The following TRA2B variants were observed in gnomAD, a reference collection of about 807,000 sequenced individuals.
The protein encoded by TRA2B is transformer 2 beta homolog.
TRA2B carries 14 observed loss-of-function variants against 41.7 expected under a neutral mutation model. The ratio of observed to expected loss-of-function variants is 0.34; its 90% CI spans 0.22 to 0.53. The LOEUF (loss-of-function observed/expected upper bound fraction) is 0.53, where lower values mean the gene tolerates loss of function less well. Ranked by LOEUF, TRA2B falls within the 20% of genes least tolerant of loss-of-function variation. The pLI, the probability that TRA2B is intolerant of heterozygous loss-of-function variation, is 0.95. For missense variants in TRA2B, 167 were observed against 396.8 expected (o/e 0.42, Z 4.92); for synonymous variants, 130 against 128.8 (o/e 1.01, Z -0.06).
chr3:185,920,558 T>C (rs1336538245), intron 6 of TRA2B, among the ~76,000 whole-genome samples: 6 of 152,132 alleles, frequency 3.9e-5, no homozygotes, highest in Non-Finnish European at 5.9e-5. Flanking sequence ...TATGTATTCA[T>C]TTATTTATTT....
At chr3:185,931,004 A>G (rs1222887677) in intron 1 of TRA2B, among the ~76,000 whole-genome samples, 1 of 152,196 alleles carries the variant, frequency 6.6e-6, no homozygotes, top group Non-Finnish European at 1.5e-5. Flanking sequence ...GTATTTAGCA[A>G]ATATGCATCT....
In TRA2B at chr3:185,925,588, C is replaced by G; in HGVS notation, c.209G>C (p.Arg70Pro). 1 of 1,614,052 alleles carries G rather than the reference C, an allele frequency of 6.2e-7. No homozygotes were observed. Among genetic ancestry groups the G allele is most frequent in the South Asian group, 1.1e-5 (1 of 91,054 alleles). ...ATGGGAGCGGGAGCGAGACCGTGAC[C>G]GGGTATAATGCCTTCGGGAGCTTCT... The part of the protein sequence containing the change: ...SRRSSRRHYT[R>P]SRSRSRSHRR... The change falls in exon 3 of 9, where the codon CGG (arginine) becomes CCG (proline). Residue 70 changes from arginine (R) to proline (P), a missense_variant. Around this residue, in one of 5 missense-constraint regions of TRA2B, gnomAD observed 94 missense variants for 133.4 expected, o/e 0.70. Coordinates refer to ENST00000453386, the MANE Select transcript of TRA2B (RefSeq NM_004593.3).
At chr3:185,927,760 C>G (rs992457905) in intron 1 of TRA2B, 6 of 152,150 alleles carry the variant, frequency 3.9e-5, no homozygotes, top group African/African-American at 1.4e-4. Context: ...ACATAATCAA[C>G]AAAAGGGTAT....
rs1315600217 is a variant in TRA2B at position 185,936,383 on chromosome 3, C to T, written c.36+1442G>A. The T allele has an allele frequency of 3.0e-6, 3 of 985,306 alleles. No homozygotes were observed. The African/African-American group carries it at 5.2e-5, about 17-fold the overall frequency. The allele number at this position is 985,306 out of a possible 1,614,324, so 61.0% of individuals were successfully genotyped here. ...AAAAAAAAATCTAAAACACTCGTGA[C>T]ATTGGAGTCAATCGGCTTCGGGAAA... On this transcript the variant is annotated intron_variant, in intron 1 of 8. Transcript: ENST00000453386.
intron 1 of TRA2B, chr3:185,936,988 CAAAGG>C: frequency 1.0e-6 from 1 of 985,396 alleles, no homozygotes; most frequent in Non-Finnish European, 1.2e-6. Context: ...CGCCTCAAAA[CAAAGG>C]AAATAACGGC....
intron 6 of TRA2B, among the ~76,000 whole-genome samples, chr3:185,920,409 G>A (rs887529785): frequency 2.1e-4 from 32 of 152,288 alleles, no homozygotes; most frequent in African/African-American, 7.2e-4. Flanking sequence ...TCAGGTGGGA[G>A]CGTACTTGGC....
Position 185,925,582 on chromosome 3 carries a change from C to T in TRA2B, c.215G>A (p.Arg72Gln), listed in dbSNP as rs893156116. ...TCGTCTATGGGAGCGGGAGCGAGACCGTGACCGGGTATAATGCCTTCGGGA... is the reference window on the plus strand; with the variant it reads ...TCGTCTATGGGAGCGGGAGCGAGACTGTGACCGGGTATAATGCCTTCGGGA... ...RSSRRHYTRSRSRSRSHRRSR... is the reference protein window; with the variant it reads ...RSSRRHYTRSQSRSRSHRRSR... The change falls in exon 3 of 9, where the codon CGG becomes CAG. Residue 72 changes from arginine (R) to glutamine (Q), a missense_variant. By Grantham distance (43) the Arg-to-Gln change is conservative. Coordinates refer to ENST00000453386, the MANE Select transcript of TRA2B (RefSeq NM_004593.3). The T allele has an allele frequency of 1.9e-6, 3 of 1,613,980 alleles. No individual in the cohort carries two copies. The highest frequency in any genetic ancestry group is 1.7e-5 in the Admixed American group (1 of 60,004).
chr3:185,919,460 G>A lies in TRA2B; in HGVS notation c.759C>T (p.Ala253=), dbSNP rs896664194. 2 of 1,613,232 alleles carry A rather than the reference G, an allele frequency of 1.2e-6. No individual in the cohort carries two copies. Among genetic ancestry groups the A allele is most frequent in the African/African-American group, 2.7e-5 (2 of 74,854 alleles). The part of the protein sequence containing the change: ...GGGGGGGWRA[A]QDRDQIYRRR... ...ACCTATAAATCTGATCCCTGTCTTGGGCAGCTCTCCATCCTCCTCCTCCTC... is the reference window on the plus strand; with the variant it reads ...ACCTATAAATCTGATCCCTGTCTTGAGCAGCTCTCCATCCTCCTCCTCCTC... Residue 253 remains alanine, a synonymous_variant, in exon 7 of 9, where the codon GCC becomes GCT. Coordinates refer to ENST00000453386, the MANE Select transcript of TRA2B (RefSeq NM_004593.3).
At chr3:185,936,497 A>G in intron 1 of TRA2B, 1 of 985,438 alleles carries the variant, frequency 1.0e-6, no homozygotes, top group Non-Finnish European at 1.2e-6. Context: ...TTTGGGCTCC[A>G]AAATTACGCA....
intron 1 of TRA2B, chr3:185,936,452 C>T: frequency 1.0e-6 from 1 of 985,360 alleles, no homozygotes; most frequent in Non-Finnish European, 1.2e-6. Context: ...AGTATGTAAA[C>T]GCAAGGCTTG....
intron 1 of TRA2B, chr3:185,937,077 G>T: frequency 2.0e-6 from 2 of 985,346 alleles, no homozygotes; most frequent in Non-Finnish European, 2.4e-6. Flanking sequence ...TCATCTTAAC[G>T]ACTTTGTGGT....
intron 6 of TRA2B, among the ~76,000 whole-genome samples, chr3:185,920,743 T>C (rs978048057): frequency 6.6e-5 from 10 of 152,150 alleles, no homozygotes; most frequent in Admixed American, 3.9e-4. Flanking sequence ...GGGTTCACCA[T>C]GTTGGCCAGG....
intron 1 of TRA2B, chr3:185,934,560 C>T (rs1744275385): frequency 5.1e-6 from 5 of 985,252 alleles, no homozygotes; most frequent in South Asian, 4.7e-5. Context: ...GACTGATAAA[C>T]CTAACCAGAC....
rs1254689753 is a variant in TRA2B at position 185,926,637 on chromosome 3, C to T, written c.134G>A (p.Arg45His). Residue 45 changes from arginine (R) to histidine (H), a missense_variant, in exon 2 of 9, where the codon CGT becomes CAT. By Grantham distance (29) the Arg-to-His change is conservative. Coordinates refer to ENST00000453386, the MANE Select transcript of TRA2B (RefSeq NM_004593.3). ...ARSRSKEDSR[R>H]SRSKSRSRSE... ...TCGGGACCTGGACTTTGATCTGGAA[C>T]GCCTGGAATCTTCCTTGGAGCGAGA... is the stretch of plus-strand genomic sequence containing the variant. The T allele has an allele frequency of 3.1e-6, 5 of 1,614,008 alleles. No homozygotes were observed. Among genetic ancestry groups the T allele is most frequent in the East Asian group, 2.2e-5 (1 of 44,898 alleles).
chr3:185,925,304 T>A, intron 3 of TRA2B, 160 bp downstream of exon 3: 2 of 789,966 alleles, frequency 2.5e-6, no homozygotes, highest in Non-Finnish European at 1.9e-6. Context: ...GACCCCGTCA[T>A]GGAAGATTAA....
At chr3:185,935,956 C>T in intron 1 of TRA2B, 2 of 985,348 alleles carry the variant, frequency 2.0e-6, no homozygotes, top group Non-Finnish European at 2.4e-6. Flanking sequence ...TCAAAGATTG[C>T]GAAAAACACA....
At chr3:185,918,874 T>C (rs760641017) in intron 7 of TRA2B, among the ~76,000 whole-genome samples, 12 of 151,650 alleles carry the variant, frequency 7.9e-5, no homozygotes, top group Admixed American at 2.6e-4. Flanking sequence ...TGTGCGGTGG[T>C]GCATGCTTGT....
At chr3:185,934,954 A>C (rs1178553836) in intron 1 of TRA2B, 4 of 985,314 alleles carry the variant, frequency 4.1e-6, no homozygotes, top group Middle Eastern at 5.2e-4. Flanking sequence ...GTGTCTCCTT[A>C]GTTTCTGGAT....
At chr3:185,924,151 T>C in intron 3 of TRA2B, 167 bp from the exon 4 acceptor site, 1 of 519,334 alleles carries the variant, frequency 1.9e-6, no homozygotes, top group East Asian at 3.3e-5. Flanking sequence ...CTACAAGTAT[T>C]TTTGGGAATG....
Sources: allele counts gnomAD v4.1 joint callset (sites outside exome capture counted in the v4.1 genomes callset), GRCh38; gene constraint gnomAD v4.1.1; regional missense constraint gnomAD v4.1.1; transcripts MANE v1.5; gene names NCBI Gene and HGNC (gene_info 2026-07-23, HGNC 2026-07-21).